Variants in SHB observed in about 807,000 individuals in gnomAD.
SHB encodes the protein SH2 domain-containing adapter protein B.
SHB carries 20 observed loss-of-function variants against 52.3 expected under a neutral mutation model. That is an observed-to-expected ratio of 0.38 (90% CI 0.27 to 0.56). The LOEUF is 0.56. SHB is among the 20% of genes least tolerant of loss of function. SHB has a pLI of 0.71. For synonymous variants in SHB, 397 were observed against 316.5 expected (o/e 1.25, Z -2.70); for missense variants, 825 against 723.3 (o/e 1.14, Z -1.61).
chr9:37,981,491 A>C (rs1333048197), intron 2 of SHB, among the ~76,000 whole-genome samples: 1 of 119,280 alleles, frequency 8.4e-6, no homozygotes, highest in East Asian at 3.1e-4. Context: ...TATCTAGACC[A>C]AACTCTCTCT....
At chr9:38,035,579 G>A (rs1016010908) in intron 1 of SHB, among the ~76,000 whole-genome samples, 8 of 152,124 alleles carry the variant, frequency 5.3e-5, no homozygotes, top group Non-Finnish European at 1.0e-4. Context: ...CATGGGAGAA[G>A]CACAGAATCA....
At chr9:37,933,385 T>C (rs1832334941) in intron 5 of SHB, among the ~76,000 whole-genome samples, 1 of 152,216 alleles carries the variant, frequency 6.6e-6, no homozygotes, top group Non-Finnish European at 1.5e-5. Flanking sequence ...CCTTTGAAGC[T>C]TGGCACATAG....
intron 5 of SHB, among the ~76,000 whole-genome samples, chr9:37,927,124 G>A (rs1431900990): frequency 6.6e-6 from 1 of 152,246 alleles, no homozygotes; most frequent in Non-Finnish European, 1.5e-5. Flanking sequence ...CCCAAGCCAG[G>A]GGACCAGGAT....
chr9:37,927,950 CT>C lies in SHB; in HGVS notation c.1347-7947del, dbSNP rs537078307. Among the ~76,000 whole-genome samples the C allele has an allele frequency of 9.9e-3, 1,442 of 145,164 alleles. 20 individuals are homozygous for C. The highest frequency in any genetic ancestry group is 0.032 in the African/African-American group (1,274 of 39,726). On this transcript the variant is annotated intron_variant, in intron 5 of 5. Coordinates refer to ENST00000377707, the MANE Select transcript of SHB (RefSeq NM_003028.3). ...TTCCTTCCTCTCTTTCTCTTTCTCTCTTTTTTTTTTTTCTACCTCTAATTGA... is the reference window on the plus strand; with the variant it reads ...TTCCTTCCTCTCTTTCTCTTTCTCTCTTTTTTTTTTTCTACCTCTAATTGA...
intron 2 of SHB, among the ~76,000 whole-genome samples, chr9:38,011,089 A>T (rs1223258247): frequency 6.6e-6 from 1 of 152,174 alleles, no homozygotes; most frequent in Non-Finnish European, 1.5e-5. Flanking sequence ...CAGGCACCCA[A>T]GTCAGCCTGA....
At chr9:37,930,854 A>T (rs1832304339) in intron 5 of SHB, among the ~76,000 whole-genome samples, 1 of 152,198 alleles carries the variant, frequency 6.6e-6, no homozygotes. Flanking sequence ...ACACTTCCTG[A>T]TTTGAAATTA....
chr9:37,942,161 C>T (rs1307383805), intron 5 of SHB, among the ~76,000 whole-genome samples: 1 of 152,234 alleles, frequency 6.6e-6, no homozygotes, highest in Non-Finnish European at 1.5e-5. Context: ...TACACCCACC[C>T]AACCTCCTTC....
chr9:37,935,973 C>T (rs1220005454), intron 5 of SHB, among the ~76,000 whole-genome samples: 2 of 150,720 alleles, frequency 1.3e-5, no homozygotes, highest in African/African-American at 4.9e-5. Context: ...GAGGCCAAGG[C>T]AGGCAGATCA....
chr9:38,046,386 G>A (rs1250691401), intron 1 of SHB, among the ~76,000 whole-genome samples: 1 of 152,202 alleles, frequency 6.6e-6, no homozygotes, highest in Admixed American at 6.5e-5. Context: ...AAAAGTTTGT[G>A]ACCTCTGTGT....
In SHB at chr9:38,068,499, G is replaced by T; in HGVS notation, c.147C>A (p.Ser49=). The T allele has an allele frequency of 6.7e-7, 1 of 1,494,390 alleles. No individual in the cohort carries two copies. Among genetic ancestry groups the T allele is most frequent in the South Asian group, 1.3e-5 (1 of 79,404 alleles). 92.6% of individuals were successfully genotyped at this position (1,494,390 alleles called of 1,614,324 possible). A position where few individuals can be genotyped will look rare whatever the true frequency, so the allele number is the denominator to read the frequency against. The change falls in exon 1 of 6, where the codon TCC becomes TCA. Residue 49 remains serine, a synonymous_variant. Transcript: ENST00000377707. ...CCGGACCGCAGGACGCCGAGGCGGC[G>T]GAGGAGGCCTGCGGCACGGCCTGGG... ...QPPQAVPQAS[S]AASASCGPAT...
chr9:38,014,777 ACAG>A (rs148135891), intron 2 of SHB, among the ~76,000 whole-genome samples: 1,982 of 152,304 alleles, frequency 0.013, 42 homozygotes, highest in African/African-American at 0.045. Context: ...GAGGCAGAGA[ACAG>A]CAAAGGCAGA....
chr9:37,979,518 G>A (rs1010887696), intron 2 of SHB, among the ~76,000 whole-genome samples: 1 of 152,048 alleles, frequency 6.6e-6, no homozygotes, highest in Non-Finnish European at 1.5e-5. Flanking sequence ...GAAGAGAGCA[G>A]GCAGTAATCC....
At chr9:38,004,444 G>C (rs34200699) in intron 2 of SHB, among the ~76,000 whole-genome samples, 2 of 151,918 alleles carry the variant, frequency 1.3e-5, no homozygotes, top group East Asian at 3.9e-4. Flanking sequence ...GGAGGTGGGC[G>C]CCCCCCAGCC....
chr9:38,039,884 C>T (rs1040017738), intron 1 of SHB, among the ~76,000 whole-genome samples: 2 of 152,230 alleles, frequency 1.3e-5, no homozygotes, highest in Non-Finnish European at 2.9e-5. Flanking sequence ...ATGGGCCTCT[C>T]GACAGGAGTC....
At chr9:38,018,898 AAGAG>A (rs1289908646) in intron 1 of SHB, among the ~76,000 whole-genome samples, 1 of 152,236 alleles carries the variant, frequency 6.6e-6, no homozygotes, top group Non-Finnish European at 1.5e-5. Flanking sequence ...AGCTAAAAGA[AAGAG>A]AATGAGTTTT....
chr9:37,983,941 G>A (rs551193283), intron 2 of SHB, among the ~76,000 whole-genome samples: 14 of 152,350 alleles, frequency 9.2e-5, no homozygotes, highest in African/African-American at 3.4e-4. Flanking sequence ...GCAGCACTGT[G>A]TGCTGGGTGA....
chr9:37,940,437 A>C (rs1479955648), intron 5 of SHB, among the ~76,000 whole-genome samples: 1 of 152,208 alleles, frequency 6.6e-6, no homozygotes, highest in Non-Finnish European at 1.5e-5. Flanking sequence ...TTTTGCCTAC[A>C]GCAGTGGCTT....
intron 5 of SHB, among the ~76,000 whole-genome samples, chr9:37,944,594 C>T (rs1290020146): frequency 2.6e-5 from 4 of 152,158 alleles, no homozygotes; most frequent in African/African-American, 4.8e-5. Flanking sequence ...GGCAGGCATT[C>T]GGCTTCCCCC....
At position 37,916,598 on chromosome 9, in the gene SHB, C is replaced by A. The variant is rs1832102253; in HGVS notation, c.*3223G>T. On this transcript the variant is annotated 3_prime_UTR_variant, in exon 6 of 6. Transcript: ENST00000377707. The stretch of plus-strand genomic sequence containing the variant: ...CTCTCAGGCCACAGAGGGGCCCCGG[C>A]CCACAGCCGCCCTGTGAGGACAGGG... Among the ~76,000 whole-genome samples the A allele has an allele frequency of 6.6e-6, 1 of 152,258 alleles. No homozygotes were observed. Among genetic ancestry groups the A allele is most frequent in the East Asian group, 1.9e-4 (1 of 5,192 alleles).
Sources: gnomAD v4.1 joint callset for allele counts (sites outside exome capture counted in the v4.1 genomes callset) on GRCh38, gnomAD v4.1.1 for gene constraint, MANE v1.5 for transcripts, NCBI Gene and HGNC (gene_info 2026-07-23, HGNC 2026-07-21) for gene names.